Variants in ZBTB21 observed in about 807,000 individuals in gnomAD.
ZBTB21 encodes the protein zinc finger and BTB domain containing 21.
Under a neutral mutation model 39.8 loss-of-function variants are expected in ZBTB21, and 10 were observed. The ratio of observed to expected loss-of-function variants is 0.25; its 90% CI spans 0.16 to 0.43. The LOEUF (loss-of-function observed/expected upper bound fraction) is 0.43. Ranked by LOEUF, ZBTB21 falls within the 20% of genes least tolerant of loss-of-function variation. ZBTB21 has a pLI of 1.00. For missense variants in ZBTB21, 1,221 were observed against 1,296.3 expected (o/e 0.94, Z 0.89); for synonymous variants, 551 against 498.8 (o/e 1.10, Z -1.40).
At chr21:42,008,268 G>A (rs1194482720) in intron 1 of ZBTB21, among the ~76,000 whole-genome samples, 1 of 143,902 alleles carries the variant, frequency 6.9e-6, no homozygotes, top group Non-Finnish European at 1.5e-5. Flanking sequence ...CACTTTGGGA[G>A]ACCAAGTGGG....
rs757981915 is a variant in ZBTB21 at position 41,994,036 on chromosome 21, C to T, written c.60G>A (p.Leu20=). 1 of 1,613,954 alleles carries T rather than the reference C, an allele frequency of 6.2e-7. No homozygotes were observed. Among genetic ancestry groups the T allele is most frequent in the African/African-American group, 1.3e-5 (1 of 74,922 alleles). The change falls in exon 3 of 3, where the codon CTG becomes CTA. Residue 20 remains leucine, a synonymous_variant. Transcript: ENST00000310826. ...GCTGTCCTTTGAGACGCTCCTCATT[C>T]AGGGCACTTAGGAGAGAAATGGCGT... ...PAHAISLLSA[L]NEERLKGQLC...
chr21:41,993,474 A>G lies in ZBTB21; in HGVS notation c.622T>C (p.Trp208Arg). 1 of 1,614,218 alleles carries G rather than the reference A, an allele frequency of 6.2e-7. No homozygotes were observed. Among genetic ancestry groups the G allele is most frequent in the Non-Finnish European group, 8.5e-7 (1 of 1,180,028 alleles). The change falls in exon 3 of 3, where the codon TGG (tryptophan) becomes CGG (arginine). Residue 208 changes from tryptophan (W) to arginine (R), a missense_variant. Physicochemically the swap from Trp to Arg is moderately radical, Grantham distance 101. Transcript: ENST00000310826. The stretch of plus-strand genomic sequence containing the variant: ...TATACCACAGAACTATCTTTCGGCC[A>G]ACTCTTTTCAGTTAATGACAAATTA... ...LHNLSLTEKS[W>R]PKDSSVVYAK...
chr21:42,001,659 A>G (rs2065819189), intron 2 of ZBTB21, among the ~76,000 whole-genome samples: 1 of 152,210 alleles, frequency 6.6e-6, no homozygotes, highest in Non-Finnish European at 1.5e-5. Context: ...AGGGACGAGT[A>G]TTTATTTTCC....
rs1569102331 is a variant in ZBTB21, at chr21:41,991,706, A to G, written c.2390T>C (p.Val797Ala). Reference sequence around the variant, plus strand: ...GGGTGCCATGTTGTTCTGATTATGGACTTCAACCTGGTGCCGCCAGATGCT... The same window carrying G: ...GGGTGCCATGTTGTTCTGATTATGGGCTTCAACCTGGTGCCGCCAGATGCT... Reference protein sequence around the residue: ...SFSIWRHQVEVHNQNNMAPTE... With the variant: ...SFSIWRHQVEAHNQNNMAPTE... Residue 797 changes from valine (V) to alanine (A), a missense_variant, in exon 3 of 3, where the codon GTC (valine) becomes GCC (alanine). Coordinates refer to ENST00000310826, the MANE Select transcript of ZBTB21 (RefSeq NM_001098402.2). This position sits in a 1 kb window ranked among gnomAD's most constrained non-coding sequence, Gnocchi z 4.9. 6.2e-7 allele frequency: 1 copy of G among 1,614,114 alleles called. No homozygotes were observed. The highest frequency in any genetic ancestry group is 8.5e-7 in the Non-Finnish European group (1 of 1,180,024).
rs907348239 is a variant in ZBTB21 at position 41,991,728 on chromosome 21, T to G, written c.2368A>C (p.Ile790Leu). ...CMRTFKSSFSIWRHQVEVHNQ... is the reference protein window; with the variant it reads ...CMRTFKSSFSLWRHQVEVHNQ... ...TGGACTTCAACCTGGTGCCGCCAGA[T>G]GCTGAAAGAGGACTTGAAGGTGCGC... is the stretch of plus-strand genomic sequence containing the variant. The change falls in exon 3 of 3, where the codon ATC becomes CTC. Residue 790 changes from isoleucine to leucine, a missense_variant. Transcript: ENST00000310826. This position sits in a 1 kb window ranked among gnomAD's most constrained non-coding sequence, Gnocchi z 4.9. 6.2e-7 allele frequency: 1 copy of G among 1,614,238 alleles called. No individual in the cohort carries two copies. Among genetic ancestry groups the G allele is most frequent in the Admixed American group, 1.7e-5 (1 of 60,032 alleles).
rs533496388 is a variant in ZBTB21, at chr21:42,009,832, C to T, written c.-79+420G>A. The stretch of plus-strand genomic sequence containing the variant: ...CGCGGCCCGGGCCGCCGGCCCCCAA[C>T]CCCTGCCCGGAACAGGAGAACGCGC... On this transcript the variant is annotated intron_variant, in intron 1 of 2. Coordinates refer to ENST00000310826, the MANE Select transcript of ZBTB21 (RefSeq NM_001098402.2). 5.9e-5 allele frequency among the ~76,000 whole-genome samples: 9 copies of T among 152,234 alleles called. No homozygotes were observed. The South Asian group carries it at 1.9e-3, about 32-fold the overall frequency.
In ZBTB21 at chr21:41,989,680, C is replaced by T. The variant is rs1453124122; in HGVS notation, c.*1215G>A. 6 of 152,126 alleles carry T rather than the reference C, an allele frequency of 3.9e-5. No homozygotes were observed. Among genetic ancestry groups the T allele is most frequent in the Non-Finnish European group, 8.8e-5 (6 of 67,992 alleles). The allele number at this position is 152,126 out of a possible 1,614,324, so 9.4% of individuals were successfully genotyped here. On this transcript the variant is annotated 3_prime_UTR_variant, in exon 3 of 3. Transcript: ENST00000310826. ...TTGGACCACTGATAGTGCTCTAATA[C>T]CTATTTTTGAAATATTAAGCAATGA...
chr21:41,990,333 A>T lies in ZBTB21; in HGVS notation c.*562T>A, dbSNP rs779166908. The T allele has an allele frequency of 1.3e-5, 2 of 152,642 alleles. No individual in the cohort carries two copies. The highest frequency in any genetic ancestry group is 6.5e-5 in the Admixed American group (1 of 15,284). 9.5% of individuals were successfully genotyped at this position (152,642 alleles called of 1,614,324 possible). On this transcript the variant is annotated 3_prime_UTR_variant, in exon 3 of 3. Coordinates refer to ENST00000310826, the MANE Select transcript of ZBTB21 (RefSeq NM_001098402.2). ...TTTCTCACAATTTTCATACAAAAAG[A>T]AGTTTTACATGACCACAAAATACCA... is the stretch of plus-strand genomic sequence containing the variant.
chr21:41,999,093 T>C (rs956451405), intron 2 of ZBTB21, among the ~76,000 whole-genome samples: 3 of 152,296 alleles, frequency 2.0e-5, no homozygotes, highest in African/African-American at 7.2e-5. Context: ...GAAAAAGACA[T>C]AAGCTTATAA....
chr21:42,003,753 A>G (rs2065845293), intron 1 of ZBTB21, among the ~76,000 whole-genome samples: 2 of 152,334 alleles, frequency 1.3e-5, no homozygotes, highest in South Asian at 2.1e-4. Flanking sequence ...AGCATTTCAG[A>G]TAAGGGATAG....
Position 41,993,390 on chromosome 21 carries a change from T to C in ZBTB21, c.706A>G (p.Lys236Glu), listed in dbSNP as rs1318123946. 2.5e-6 allele frequency: 4 copies of C among 1,614,218 alleles called. No homozygotes were observed. Among genetic ancestry groups the C allele is most frequent in the Non-Finnish European group, 3.4e-6 (4 of 1,180,044 alleles). ...TTTGAAGGCAACACTGCATTTCTTT[T>C]CACCAAACTGATTCTATTAGGATCA... ...LDDPNRISLV[K>E]RNAVLPSKPL... is the part of the protein sequence containing the mutation. The change falls in exon 3 of 3, where the codon AAA becomes GAA. Residue 236 changes from lysine to glutamate, a missense_variant. Lys to Glu is a moderately conservative substitution (Grantham distance 56, BLOSUM62 1). Around this residue, in one of 4 missense-constraint regions of ZBTB21, gnomAD observed 500 missense variants for 465.6 expected, o/e 1.07. Transcript: ENST00000310826.
At chr21:42,005,775 T>C (rs1367247716) in intron 1 of ZBTB21, among the ~76,000 whole-genome samples, 1 of 152,214 alleles carries the variant, frequency 6.6e-6, no homozygotes, top group Non-Finnish European at 1.5e-5. Flanking sequence ...GTACAAGGCA[T>C]GGTTAGATTT....
At position 41,993,855 on chromosome 21, in the gene ZBTB21, C is replaced by G; in HGVS notation, c.241G>C (p.Asp81His). Residue 81 changes from aspartate (D) to histidine (H), a missense_variant, in exon 3 of 3, where the codon GAT (aspartate) becomes CAT (histidine). Asp to His is a moderately conservative substitution (Grantham distance 81). Transcript: ENST00000310826. ...GAATAAATGTAGTTTAAAACATTAT[C>G]AAAAGCATCTGGCTCACAGAAGTCA... ...QLDFCEPDAF[D>H]NVLNYIYSSS... 6.2e-7 allele frequency: 1 copy of G among 1,614,008 alleles called. No individual in the cohort carries two copies.
chr21:41,992,662 G>A lies in ZBTB21; in HGVS notation c.1434C>T (p.Ser478=), dbSNP rs773039323. Residue 478 remains serine (S), a synonymous_variant, in exon 3 of 3, where the codon AGC becomes AGT. Coordinates refer to ENST00000310826, the MANE Select transcript of ZBTB21 (RefSeq NM_001098402.2). This position sits in a 1 kb window ranked among gnomAD's most constrained non-coding sequence, Gnocchi z 4.1. ...GGAACCTCCTTTTTGCTGGGAGTCT[G>A]CTCATGTCTTTTTGGTCATCTTCTG... ...LKTEDDQKDM[S]RLPAKRRFQA... is the part of the protein sequence containing the mutation. 23 of 1,614,008 alleles carry A rather than the reference G, an allele frequency of 1.4e-5. No homozygotes were observed. The highest frequency in any genetic ancestry group is 1.9e-5 in the Non-Finnish European group (23 of 1,180,014).
intron 2 of ZBTB21, among the ~76,000 whole-genome samples, chr21:41,995,158 C>G (rs1569108326): frequency 6.6e-6 from 1 of 152,070 alleles, no homozygotes; most frequent in Non-Finnish European, 1.5e-5. Flanking sequence ...GAAAAGATAC[C>G]CGAAAATGTG....
In ZBTB21 at chr21:41,994,063, T is replaced by G. The variant is rs756166457; in HGVS notation, c.33A>C (p.Ala11=). Residue 11 remains alanine, a synonymous_variant, in exon 3 of 3, where the codon GCA becomes GCC. Transcript: ENST00000310826. The part of the protein sequence containing the change: MEGLLHYINP[A]HAISLLSALN... Reference sequence around the variant, plus strand: ...GGGCACTTAGGAGAGAAATGGCGTGTGCAGGGTTGATGTAATGCAGTAATC... The same window carrying G: ...GGGCACTTAGGAGAGAAATGGCGTGGGCAGGGTTGATGTAATGCAGTAATC... 1 of 1,608,424 alleles carries G rather than the reference T, an allele frequency of 6.2e-7. No homozygotes were observed. The highest frequency in any genetic ancestry group is 8.5e-7 in the Non-Finnish European group (1 of 1,177,586).
intron 1 of ZBTB21, among the ~76,000 whole-genome samples, chr21:42,005,875 C>T (rs949846054): frequency 5.3e-5 from 8 of 152,154 alleles, no homozygotes; most frequent in Non-Finnish European, 2.9e-5. Context: ...AAAAAGACAA[C>T]CTCAGATTCT....
At chr21:42,008,639 C>T (rs886614514) in intron 1 of ZBTB21, among the ~76,000 whole-genome samples, 3 of 151,476 alleles carry the variant, frequency 2.0e-5, no homozygotes, top group African/African-American at 7.3e-5. Context: ...AACTTAACCC[C>T]AATTTTGTTA....
rs953798108 is a variant in ZBTB21 at position 41,988,473 on chromosome 21, G to A, written c.*2422C>T. The A allele has an allele frequency of 1.3e-5, 2 of 152,110 alleles. No homozygotes were observed. The highest frequency in any genetic ancestry group is 1.3e-4 in the Admixed American group (2 of 15,272). 9.4% of individuals were successfully genotyped at this position (152,110 alleles called of 1,614,324 possible). On this transcript the variant is annotated 3_prime_UTR_variant, in exon 3 of 3. Coordinates refer to ENST00000310826, the MANE Select transcript of ZBTB21 (RefSeq NM_001098402.2). ...ATAAACATTCTTAAAAAACTTTACT[G>A]AATAAAGTAATTAACATATCTTTCA...
Sources: gnomAD v4.1 joint callset for allele counts (sites outside exome capture counted in the v4.1 genomes callset) on GRCh38, gnomAD v4.1.1 for gene constraint, gnomAD v4.1.1 regional missense constraint, Gnocchi (gnomAD v3.1) non-coding constraint, MANE v1.5 for transcripts, NCBI Gene and HGNC (gene_info 2026-07-23, HGNC 2026-07-21) for gene names.